CLVS1: variants seen among roughly 807,000 people sequenced by gnomAD.
The protein encoded by CLVS1 is clavesin-1.
In CLVS1, 10 loss-of-function variants were observed where a neutral mutation model predicts 33.1. The ratio of observed to expected loss-of-function variants is 0.30; its 90% CI spans 0.19 to 0.51. The LOEUF is 0.51. Among genes scored for constraint, CLVS1 ranks in the 20% least tolerant of loss-of-function variants. CLVS1 has a pLI of 0.97. For missense variants in CLVS1, 343 were observed against 433.4 expected (o/e 0.79, Z 1.85); for synonymous variants, 163 against 166.1 (o/e 0.98, Z 0.14).
chr8:60,985,211 A>G, the CLVS1 span, among the ~76,000 whole-genome samples: 1 of 152,196 alleles, frequency 6.6e-6, no homozygotes, highest in African/African-American at 2.4e-5. Flanking sequence ...AAAAGGTTCG[A>G]CTCAGAGACC....
chr8:61,063,142 A>T lies in CLVS1; in HGVS notation c.-243+5912A>T, dbSNP rs563398107. On this transcript the variant is annotated intron_variant, in intron 1 of 2. Coordinates refer to the CLVS1 transcript ENST00000522621. ...CTTAAAACCATGCTACGTAAGTAAG[A>T]CAAAGGCTTTGCTCTCGCTCCCCTG... Among the ~76,000 whole-genome samples the T allele has an allele frequency of 5.9e-5, 9 of 152,208 alleles. 2 individuals carry two copies. The South Asian group carries it at 1.9e-3, about 31-fold the overall frequency.
intron 1 of CLVS1, among the ~76,000 whole-genome samples, chr8:61,290,709 T>TA (rs1043271412): frequency 1.3e-5 from 2 of 152,224 alleles, no homozygotes; most frequent in African/African-American, 2.4e-5. Context: ...TGATCTTCTC[T>TA]ACTCTTCCTG....
chr8:61,077,292 GGA>G lies in CLVS1; in HGVS notation c.-243+20063_-243+20064del, dbSNP rs952346468. Reference sequence around the variant, plus strand: ...TTCACCCTGTTAGCCAGGATGGTCTGGATCTCCTGACCCCGTGATCCACCCGC... The same window carrying G: ...TTCACCCTGTTAGCCAGGATGGTCTGTCTCCTGACCCCGTGATCCACCCGC... On this transcript the variant is annotated intron_variant, in intron 1 of 2. Coordinates refer to the CLVS1 transcript ENST00000522621. 1.0e-3 allele frequency among the ~76,000 whole-genome samples: 151 copies of G among 151,758 alleles called. 4 individuals carry two copies. The highest frequency in any genetic ancestry group is 9.8e-3 in the Admixed American group (149 of 15,246).
rs550237142 is a variant in CLVS1, at chr8:61,251,507, C to T, written c.-151-48170C>T. Among the ~76,000 whole-genome samples the T allele has an allele frequency of 5.9e-5, 9 of 152,242 alleles. No individual in the cohort carries two copies. In the East Asian group the frequency reaches 1.7e-3, roughly 29 times the overall value. Reference sequence around the variant, plus strand: ...GGAATGGTACCAGCTCCTCTTTGTACCTCTGGTAGAATTGGGCTATAAATC... The same window carrying T: ...GGAATGGTACCAGCTCCTCTTTGTATCTCTGGTAGAATTGGGCTATAAATC... On this transcript the variant is annotated intron_variant, in intron 2 of 2. Coordinates refer to the CLVS1 transcript ENST00000522621.
At position 61,138,707 on chromosome 8, in the gene CLVS1, C is replaced by G. The variant is rs923458369; in HGVS notation, c.-152+6847C>G. On this transcript the variant is annotated intron_variant, in intron 2 of 2. Coordinates refer to the CLVS1 transcript ENST00000522621. The stretch of plus-strand genomic sequence containing the variant: ...TGGTCTGAAGAGTGGTATCATGGAC[C>G]GAGCCAGAGAAGGGGGAGAGCAGCA... 3.3e-5 allele frequency among the ~76,000 whole-genome samples: 5 copies of G among 152,118 alleles called. No homozygotes were observed. In the South Asian group the frequency reaches 1.0e-3, roughly 32 times the overall value.
At chr8:61,428,055 T>A (rs1349676032) in intron 3 of CLVS1, among the ~76,000 whole-genome samples, 1 of 152,248 alleles carries the variant, frequency 6.6e-6, no homozygotes, top group Non-Finnish European at 1.5e-5. Flanking sequence ...CTGATAGTGC[T>A]GTCTTTATTT....
intron 2 of CLVS1, among the ~76,000 whole-genome samples, chr8:61,181,050 C>T (rs939317562): frequency 6.6e-6 from 1 of 151,946 alleles, no homozygotes; most frequent in Non-Finnish European, 1.5e-5. Context: ...GTCAAATTAT[C>T]TCTGCAGATG....
chr8:61,107,279 T>C (rs1160249526), intron 1 of CLVS1, among the ~76,000 whole-genome samples: 1 of 152,240 alleles, frequency 6.6e-6, no homozygotes, highest in Non-Finnish European at 1.5e-5. Flanking sequence ...GTTCTTAGTC[T>C]AGGAGACCCT....
chr8:61,173,031 A>T (rs77235837), intron 2 of CLVS1, among the ~76,000 whole-genome samples: 4,004 of 152,298 alleles, frequency 0.026, 169 homozygotes, highest in African/African-American at 0.09. Flanking sequence ...AATAGTGAAC[A>T]GGTTTTGTGG....
chr8:61,165,052 C>T (rs978746480), intron 2 of CLVS1, among the ~76,000 whole-genome samples: 12 of 152,162 alleles, frequency 7.9e-5, no homozygotes, highest in African/African-American at 2.7e-4. Flanking sequence ...CCGTGGGTCA[C>T]GGAAGAGAAC....
intron 3 of CLVS1, among the ~76,000 whole-genome samples, chr8:61,398,181 CT>C (rs545959573): frequency 0.095 from 11,927 of 125,770 alleles, 750 homozygotes; most frequent in African/African-American, 0.24. Context: ...ATAAGCTTTA[CT>C]TTTTTTTTTT....
upstream of CLVS1, among the ~76,000 whole-genome samples, chr8:61,283,351 G>T (rs1262002672): frequency 1.3e-5 from 2 of 152,138 alleles, no homozygotes; most frequent in Non-Finnish European, 2.9e-5. Context: ...TGTCCTCTGG[G>T]ATGAGTATCA....
chr8:61,095,393 A>T (rs926268165), intron 1 of CLVS1, among the ~76,000 whole-genome samples: 2 of 152,206 alleles, frequency 1.3e-5, no homozygotes, highest in Middle Eastern at 6.8e-3. Context: ...AAAGAAGTGG[A>T]GCATTTCTTA....
chr8:61,299,570 G>T (rs1810354008), intron 1 of CLVS1, 107 bp from the exon 2 acceptor site: 1 of 435,294 alleles, frequency 2.3e-6, no homozygotes, highest in Non-Finnish European at 4.1e-6. Context: ...AATCTAATCA[G>T]ACCCACAGCC....
chr8:61,468,776 C>T (rs1434446274), intron 5 of CLVS1, among the ~76,000 whole-genome samples: 1 of 146,562 alleles, frequency 6.8e-6, no homozygotes, highest in Non-Finnish European at 1.5e-5. Context: ...TCATTCAGCT[C>T]ATGGACTTAC....
At chr8:61,234,559 C>T (rs879365316) in intron 2 of CLVS1, among the ~76,000 whole-genome samples, 1 of 152,128 alleles carries the variant, frequency 6.6e-6, no homozygotes, top group Non-Finnish European at 1.5e-5. Context: ...TCTGGGCTTT[C>T]TACACGCTAT....
At chr8:61,298,812 C>G (rs1810316707) in intron 1 of CLVS1, among the ~76,000 whole-genome samples, 1 of 151,972 alleles carries the variant, frequency 6.6e-6, no homozygotes, top group African/African-American at 2.4e-5. Context: ...GTGGAGAAAT[C>G]ATAAAGGATG....
At chr8:61,101,352 T>C (rs1315566094) in intron 1 of CLVS1, among the ~76,000 whole-genome samples, 1 of 152,204 alleles carries the variant, frequency 6.6e-6, no homozygotes, top group Non-Finnish European at 1.5e-5. Context: ...TTTTATGTGC[T>C]TATTGTGTTT....
intron 2 of CLVS1, among the ~76,000 whole-genome samples, chr8:61,306,163 T>C (rs951120619): frequency 1.3e-5 from 2 of 152,212 alleles, no homozygotes; most frequent in African/African-American, 4.8e-5. Flanking sequence ...CAACAGTGTA[T>C]AAGCATTCTT....
Sources: allele counts gnomAD v4.1 joint callset (sites outside exome capture counted in the v4.1 genomes callset), GRCh38; gene constraint gnomAD v4.1.1; transcripts MANE v1.5; gene names NCBI Gene and HGNC (gene_info 2026-07-23, HGNC 2026-07-21).